Variants in PLG observed in about 807,000 individuals in gnomAD.
PLG encodes the protein plasminogen, also known as plasmin.
Under a neutral mutation model 104.4 loss-of-function variants are expected in PLG, and 41 were observed. The observed-to-expected ratio is 0.39, with a 90% CI of 0.31 to 0.51. The LOEUF is 0.51. Ranked by LOEUF, PLG falls within the 20% of genes least tolerant of loss-of-function variation. The pLI is 0.76. For synonymous variants in PLG, 337 were observed against 357.1 expected, an observed-to-expected ratio of 0.94 and a Z score of 0.63; for missense variants, 891 against 1,003.6, an observed-to-expected ratio of 0.89 and a Z score of 1.52.
In PLG at chr6:160,724,124, C is replaced by A. The variant is rs1777886740; in HGVS notation, c.1256+1557C>A. On this transcript the variant is annotated intron_variant, in intron 10 of 18. Coordinates refer to ENST00000308192, the MANE Select transcript of PLG (RefSeq NM_000301.5). The surrounding 1 kb of genome is among the most constrained non-coding windows in gnomAD (Gnocchi z 5.0). Reference sequence around the variant, plus strand: ...AAAAAGCATTTACTGTGATCCATAACCAGGAGAAAAAGCACTCAAAACAAA... The same window carrying A: ...AAAAAGCATTTACTGTGATCCATAAACAGGAGAAAAAGCACTCAAAACAAA... Among the ~76,000 whole-genome samples the A allele has an allele frequency of 1.3e-5, 2 of 151,938 alleles. No homozygotes were observed. Among genetic ancestry groups the A allele is most frequent in the African/African-American group, 2.4e-5 (1 of 41,354 alleles).
Position 160,744,221 on chromosome 6 carries a change from T to C in PLG, c.2125+2804T>C, listed in dbSNP as rs1000509770. Reference sequence around the variant, plus strand: ...CTCCTCCTCAGTTTTTTTGAACGGTTTCAGTAGGAATGGTCATAGCTCTTC... The same window carrying C: ...CTCCTCCTCAGTTTTTTTGAACGGTCTCAGTAGGAATGGTCATAGCTCTTC... On this transcript the variant is annotated intron_variant, in intron 17 of 18. Transcript: ENST00000308192. This position sits in a 1 kb window ranked among gnomAD's most constrained non-coding sequence, Gnocchi z 4.5. Among the ~76,000 whole-genome samples the C allele has an allele frequency of 6.6e-6, 1 of 152,218 alleles. No homozygotes were observed. The highest frequency in any genetic ancestry group is 1.5e-5 in the Non-Finnish European group (1 of 68,020).
chr6:160,706,517 G>A lies in PLG; in HGVS notation c.160G>A (p.Glu54Lys), dbSNP rs781448572. The A allele has an allele frequency of 1.6e-4, 264 of 1,613,898 alleles. 3 individuals are homozygous for A. In the East Asian group the frequency reaches 5.7e-3, roughly 35 times the overall value. The stretch of plus-strand genomic sequence containing the variant: ...TATAGAAGAATGTGCAGCAAAATGT[G>A]AGGAGGACGAAGAATTCACCTGCAG... ...GSIEECAAKC[E>K]EDEEFTCRAF... Residue 54 changes from glutamate to lysine, a missense_variant, in exon 2 of 19, where the codon GAG (glutamate) becomes AAG (lysine). This residue lies in a region of PLG where 854 missense variants were observed against 932.1 expected (regional missense o/e 0.92). Transcript: ENST00000308192.
intron 1 of PLG, among the ~76,000 whole-genome samples, chr6:160,703,809 C>A (rs1419222437): frequency 6.6e-6 from 1 of 152,228 alleles, no homozygotes; most frequent in Non-Finnish European, 1.5e-5. Context: ...CTAGATCAAA[C>A]TTCTCTGCCA....
At chr6:160,722,689 T>C (rs1202135002) in intron 10 of PLG, 122 bp downstream of exon 10, 1 of 833,094 alleles carries the variant, frequency 1.2e-6, no homozygotes, top group Non-Finnish European at 2.0e-6. Flanking sequence ...CCAGAATGTG[T>C]AGAAAAATGT....
At chr6:160,750,196 T>C (rs1432104184) in intron 17 of PLG, among the ~76,000 whole-genome samples, 3 of 152,192 alleles carry the variant, frequency 2.0e-5, no homozygotes, top group Non-Finnish European at 4.4e-5. Flanking sequence ...TTTGGAGGTG[T>C]TGAGGCCAAG....
rs752982395 is a variant in PLG at position 160,753,078 on chromosome 6, G to A, written c.*17G>A. 8 of 1,491,026 alleles carry A rather than the reference G, an allele frequency of 5.4e-6. 1 individual carries two copies. In the South Asian group the frequency reaches 9.2e-5, roughly 17 times the overall value. The allele number at this position is 1,491,026 out of a possible 1,614,324, so 92.4% of individuals were successfully genotyped here. A position where few individuals can be genotyped will look rare whatever the true frequency, so the allele number is the denominator to read the frequency against. On this transcript the variant is annotated 3_prime_UTR_variant, in exon 19 of 19. Coordinates refer to ENST00000308192, the MANE Select transcript of PLG (RefSeq NM_000301.5). The surrounding 1 kb of genome is among the most constrained non-coding windows in gnomAD (Gnocchi z 5.4). ...AATAATTAATTGGACGGGAGACAGA[G>A]TGACGCACTGACTCACCTAGAGGCT...
chr6:160,727,604 A>C (rs2115170886), intron 10 of PLG, among the ~76,000 whole-genome samples: 1 of 152,148 alleles, frequency 6.6e-6, no homozygotes, highest in Middle Eastern at 3.4e-3. Flanking sequence ...CTTCTCTTCA[A>C]GAATGCAAGG....
rs1777802487 is a variant in PLG at position 160,719,997 on chromosome 6, C to T, written c.1096+1159C>T. 6.7e-6 allele frequency among the ~76,000 whole-genome samples: 1 copy of T among 148,924 alleles called. No individual in the cohort carries two copies. ...GTAGATCTCAATTTCCATCTGGTGTCAGTTTCTTTCTGTGAAAAACAACTT... is the reference window on the plus strand; with the variant it reads ...GTAGATCTCAATTTCCATCTGGTGTTAGTTTCTTTCTGTGAAAAACAACTT... On this transcript the variant is annotated intron_variant, in intron 9 of 18. Coordinates refer to ENST00000308192, the MANE Select transcript of PLG (RefSeq NM_000301.5). The surrounding 1 kb of genome is among the most constrained non-coding windows in gnomAD (Gnocchi z 4.1).
chr6:160,711,416 T>A (rs1029840609), intron 4 of PLG: 2 of 732,652 alleles, frequency 2.7e-6, no homozygotes, highest in African/African-American at 3.6e-5. Flanking sequence ...TGTTTTTATT[T>A]GTATTATGTT....
intron 6 of PLG, 88 bp downstream of exon 6, chr6:160,715,002 T>A: frequency 7.3e-7 from 1 of 1,372,310 alleles, no homozygotes. Context: ...ATTTTAGCAT[T>A]CCTCAAGAAG....
rs561815555 is a variant in PLG at position 160,726,235 on chromosome 6, TAC to T, written c.1256+3670_1256+3671del. Among the ~76,000 whole-genome samples, 360 of 152,140 alleles carry T rather than the reference TAC, an allele frequency of 2.4e-3. 7 individuals are homozygous for T. Among genetic ancestry groups the T allele is most frequent in the Admixed American group, 0.021 (316 of 15,266 alleles). ...AATAGATTGAAAAGAATTAAAATGA[TAC>T]AGAGTCTGTTTTTGAGCAAAACAGA... On this transcript the variant is annotated intron_variant, in intron 10 of 18. Coordinates refer to ENST00000308192, the MANE Select transcript of PLG (RefSeq NM_000301.5). This position sits in a 1 kb window ranked among gnomAD's most constrained non-coding sequence, Gnocchi z 4.4.
At chr6:160,743,032 C>A (rs1231789161) in intron 17 of PLG, among the ~76,000 whole-genome samples, 1 of 127,322 alleles carries the variant, frequency 7.9e-6, no homozygotes, top group Non-Finnish European at 1.6e-5. Flanking sequence ...TTTTTTTTTA[C>A]CAGTACCATG....
At position 160,752,334 on chromosome 6, in the gene PLG, C is replaced by A; in HGVS notation, c.2271+74C>A. On this transcript the variant is annotated intron_variant, in intron 18 of 18. Coordinates refer to ENST00000308192, the MANE Select transcript of PLG (RefSeq NM_000301.5). This position sits in a 1 kb window ranked among gnomAD's most constrained non-coding sequence, Gnocchi z 4.7. ...AGTCTCAGCCCCTCAGACTTCATTC[C>A]CCAGGTGGCAAATTCAAGGATTTTC... is the stretch of plus-strand genomic sequence containing the variant. The A allele has an allele frequency of 7.2e-7, 1 of 1,394,256 alleles. No homozygotes were observed. Among genetic ancestry groups the A allele is most frequent in the Non-Finnish European group, 1.0e-6 (1 of 982,024 alleles). The allele number at this position is 1,394,256 out of a possible 1,614,324, so 86.4% of individuals were successfully genotyped here.
chr6:160,713,666 C>A (rs1777682960), intron 5 of PLG, among the ~76,000 whole-genome samples: 1 of 152,150 alleles, frequency 6.6e-6, no homozygotes, highest in Non-Finnish European at 1.5e-5. Context: ...ACAACTCTTA[C>A]ACAGTGTTAA....
intron 3 of PLG, among the ~76,000 whole-genome samples, chr6:160,710,769 C>G (rs1777624969): frequency 6.6e-6 from 1 of 152,046 alleles, no homozygotes; most frequent in Non-Finnish European, 1.5e-5. Context: ...TTCCTGTAAC[C>G]CCCCTGCCTG....
chr6:160,710,619 G>T (rs1431885452), intron 3 of PLG, among the ~76,000 whole-genome samples: 1 of 152,124 alleles, frequency 6.6e-6, no homozygotes, highest in Non-Finnish European at 1.5e-5. Flanking sequence ...ATAGAAGTGG[G>T]TTGGATCTCT....
In PLG at chr6:160,725,519, A is replaced by G. The variant is rs979751383; in HGVS notation, c.1256+2952A>G. 6.6e-6 allele frequency among the ~76,000 whole-genome samples: 1 copy of G among 152,128 alleles called. No individual in the cohort carries two copies. The highest frequency in any genetic ancestry group is 1.5e-5 in the Non-Finnish European group (1 of 68,010). ...ATGTTCCATTTATCCAAAAGAAGGA[A>G]AGAAAGGAAGAAAAAAGAATGAAGA... On this transcript the variant is annotated intron_variant, in intron 10 of 18. Transcript: ENST00000308192. The surrounding 1 kb of genome is among the most constrained non-coding windows in gnomAD (Gnocchi z 6.3).
chr6:160,736,791 G>A lies in PLG; in HGVS notation c.1682-96G>A. 1.3e-6 allele frequency: 2 copies of A among 1,510,590 alleles called. No homozygotes were observed. The highest frequency in any genetic ancestry group is 1.8e-6 in the Non-Finnish European group (2 of 1,089,710). 93.6% of individuals were successfully genotyped at this position (1,510,590 alleles called of 1,614,324 possible). A position where few individuals can be genotyped will look rare whatever the true frequency, so the allele number is the denominator to read the frequency against. ...TTTTACTATTTAGTTCGGCCTTTAA[G>A]ATGTCAAAAACTCAGTGCTTGGAAT... On this transcript the variant is annotated intron_variant, in intron 13 of 18. Transcript: ENST00000308192. This position sits in a 1 kb window ranked among gnomAD's most constrained non-coding sequence, Gnocchi z 5.2.
At position 160,731,932 on chromosome 6, in the gene PLG, AC is replaced by A. The variant is rs770961692; in HGVS notation, c.1587+41del. On this transcript the variant is annotated intron_variant, in intron 12 of 18. Transcript: ENST00000308192. The surrounding 1 kb of genome is among the most constrained non-coding windows in gnomAD (Gnocchi z 5.1). The stretch of plus-strand genomic sequence containing the variant: ...ATTTGGACTCTTTGGCCTTTTGCTC[AC>A]CAATCTTTGCAAACAGAATTGGTTC... 88 of 1,607,628 alleles carry A rather than the reference AC, an allele frequency of 5.5e-5. No homozygotes were observed. The highest frequency in any genetic ancestry group is 5.3e-4 in the Admixed American group (32 of 59,992).
Sources: gnomAD v4.1 joint callset for allele counts (sites outside exome capture counted in the v4.1 genomes callset) on GRCh38, gnomAD v4.1.1 for gene constraint, gnomAD v4.1.1 regional missense constraint, Gnocchi (gnomAD v3.1) non-coding constraint, MANE v1.5 for transcripts, NCBI Gene and HGNC (gene_info 2026-07-23, HGNC 2026-07-21) for gene names.